The following KCNMA1 variants were observed in gnomAD, a reference collection of about 807,000 sequenced individuals.
KCNMA1 encodes potassium calcium-activated channel subfamily M alpha 1, also known as Calcium-activated potassium channel subunit alpha-1.
Under a neutral mutation model 140.0 loss-of-function variants are expected in KCNMA1, and 29 were observed. That is an observed-to-expected ratio of 0.21 (90% confidence interval 0.15 to 0.28). KCNMA1 has a LOEUF of 0.28. Among genes scored for constraint, KCNMA1 ranks in the 10% least tolerant of loss-of-function variants. KCNMA1 has a pLI of 1.00. For synonymous variants in KCNMA1, 612 were observed against 611.9 expected (o/e 1.00, Z 0.00); for missense variants, 880 against 1,602.2 (o/e 0.55, Z 7.70).
chr10:77,176,855 G>A (rs1241513467), intron 5 of KCNMA1, among the ~76,000 whole-genome samples: 1 of 152,202 alleles, frequency 6.6e-6, no homozygotes, highest in East Asian at 1.9e-4. Context: ...AATGAACGCA[G>A]CAGGCAAATT....
At chr10:77,082,318 A>G (rs928004117) in intron 12 of KCNMA1, among the ~76,000 whole-genome samples, 2 of 151,870 alleles carry the variant, frequency 1.3e-5, no homozygotes, top group Non-Finnish European at 2.9e-5. Flanking sequence ...TAAGCCACTG[A>G]GCCCCGCCCT....
chr10:77,240,099 T>C (rs888751624), intron 3 of KCNMA1, among the ~76,000 whole-genome samples: 1 of 152,134 alleles, frequency 6.6e-6, no homozygotes, highest in Non-Finnish European at 1.5e-5. Flanking sequence ...TCTCTTCTTA[T>C]AAAAAAAGAA....
intron 1 of KCNMA1, among the ~76,000 whole-genome samples, chr10:77,448,925 A>G (rs2097578559): frequency 6.6e-6 from 1 of 152,068 alleles, no homozygotes; most frequent in Non-Finnish European, 1.5e-5. Flanking sequence ...CGTCTCTACT[A>G]AAAATACAAA....
chr10:77,347,748 A>T (rs1002491956), intron 2 of KCNMA1, among the ~76,000 whole-genome samples: 14 of 152,240 alleles, frequency 9.2e-5, no homozygotes, highest in Middle Eastern at 3.2e-3. Flanking sequence ...TGATAAGAAG[A>T]CAGTACCAAC....
chr10:77,334,949 C>T (rs1430592996), intron 2 of KCNMA1, among the ~76,000 whole-genome samples: 1 of 152,042 alleles, frequency 6.6e-6, no homozygotes, highest in African/African-American at 2.4e-5. Flanking sequence ...TATGACACAG[C>T]ACATCTCAAT....
rs190045234 is a variant in KCNMA1, at chr10:77,254,826, A to G, written c.541-3570T>C. 6.4e-4 allele frequency among the ~76,000 whole-genome samples: 97 copies of G among 152,310 alleles called. No homozygotes were observed. The South Asian group carries it at 6.6e-3, about 10-fold the overall frequency. On this transcript the variant is annotated intron_variant, in intron 2 of 27. Transcript: ENST00000286628. The stretch of plus-strand genomic sequence containing the variant: ...CAGGGACAAGGAGGACAGAAGCCCA[A>G]GGGACATGGTAAAATGAGGCCAAGG...
intron 20 of KCNMA1, among the ~76,000 whole-genome samples, chr10:76,965,420 C>T (rs1258897397): frequency 6.6e-6 from 1 of 152,158 alleles, no homozygotes; most frequent in African/African-American, 2.4e-5. Context: ...TAGTGTGTGT[C>T]TCAGAAATCT....
intron 1 of KCNMA1, among the ~76,000 whole-genome samples, chr10:77,598,950 G>T (rs1453407101): frequency 2.0e-5 from 3 of 152,260 alleles, no homozygotes; most frequent in African/African-American, 7.2e-5. Flanking sequence ...GTCTGAAGAA[G>T]GTGGGGTGGG....
chr10:77,183,894 A>G (rs774363542), intron 4 of KCNMA1, among the ~76,000 whole-genome samples: 1 of 152,214 alleles, frequency 6.6e-6, no homozygotes, highest in Non-Finnish European at 1.5e-5. Flanking sequence ...AGTGCCCCAT[A>G]GAGAGCCCTA....
chr10:77,201,631 T>G (rs1598589338), intron 3 of KCNMA1, among the ~76,000 whole-genome samples: 3 of 152,308 alleles, frequency 2.0e-5, no homozygotes, highest in Admixed American at 2.0e-4. Context: ...CAGCCTGAAA[T>G]TAGTATTATT....
At chr10:77,544,594 C>T (rs2060976635) in intron 1 of KCNMA1, among the ~76,000 whole-genome samples, 1 of 152,120 alleles carries the variant, frequency 6.6e-6, no homozygotes, top group Non-Finnish European at 1.5e-5. Flanking sequence ...ACTGAATTTC[C>T]CTAACTGTGA....
intron 2 of KCNMA1, among the ~76,000 whole-genome samples, chr10:77,276,366 G>A (rs1462054549): frequency 6.6e-6 from 1 of 152,186 alleles, no homozygotes; most frequent in Non-Finnish European, 1.5e-5. Flanking sequence ...AGCCAGTTCA[G>A]GAATAACTGC....
chr10:77,057,101 C>T (rs2095566621), intron 14 of KCNMA1, among the ~76,000 whole-genome samples: 1 of 151,946 alleles, frequency 6.6e-6, no homozygotes. Flanking sequence ...ACAGGATAAA[C>T]CCAAAAGAAT....
chr10:77,038,516 T>A (rs2094469964), intron 15 of KCNMA1, among the ~76,000 whole-genome samples: 3 of 152,118 alleles, frequency 2.0e-5, no homozygotes, highest in Non-Finnish European at 4.4e-5. Context: ...AAAGACCCCG[T>A]TCATCTTAAA....
intron 1 of KCNMA1, among the ~76,000 whole-genome samples, chr10:77,503,584 G>C (rs2044693518): frequency 6.6e-6 from 1 of 152,200 alleles, no homozygotes; most frequent in Non-Finnish European, 1.5e-5. Flanking sequence ...TTTGCCAAAT[G>C]AATTTCTCAG....
At chr10:77,228,948 G>A (rs1334151469) in intron 3 of KCNMA1, among the ~76,000 whole-genome samples, 1 of 152,200 alleles carries the variant, frequency 6.6e-6, no homozygotes, top group Non-Finnish European at 1.5e-5. Context: ...GACATCACTG[G>A]AACTTGTTAG....
intron 2 of KCNMA1, among the ~76,000 whole-genome samples, chr10:77,268,856 C>A (rs745878196): frequency 2.0e-5 from 3 of 152,132 alleles, no homozygotes. Context: ...CCTTAGTGCG[C>A]ACAGTGATTT....
At chr10:77,519,582 A>C (rs2052056569) in intron 1 of KCNMA1, among the ~76,000 whole-genome samples, 2 of 152,204 alleles carry the variant, frequency 1.3e-5, no homozygotes, top group South Asian at 4.1e-4. Flanking sequence ...AAGAGTATTA[A>C]TATCACGGCC....
intron 1 of KCNMA1, among the ~76,000 whole-genome samples, chr10:77,443,835 C>T (rs1324358274): frequency 6.6e-6 from 1 of 151,976 alleles, no homozygotes; most frequent in African/African-American, 2.4e-5. Context: ...AGAAATAAGA[C>T]CTAGAGTTTG....
Sources: gnomAD v4.1 joint callset for allele counts (sites outside exome capture counted in the v4.1 genomes callset) on GRCh38, gnomAD v4.1.1 for gene constraint, MANE v1.5 for transcripts, NCBI Gene and HGNC (gene_info 2026-07-23, HGNC 2026-07-21) for gene names.